The following PDSS2 variants were observed in gnomAD, a reference collection of about 807,000 sequenced individuals.
The protein encoded by PDSS2 is decaprenyl diphosphate synthase subunit 2, also known as all trans-polyprenyl-diphosphate synthase PDSS2.
Under a neutral mutation model 44.5 loss-of-function variants are expected in PDSS2, and 31 were observed. The ratio of observed to expected loss-of-function variants is 0.70; its 90% CI spans 0.52 to 0.94. The LOEUF (loss-of-function observed/expected upper bound fraction) is 0.94, where lower values mean the gene tolerates loss of function less well. Ranked by LOEUF, PDSS2 falls within the 40% of genes least tolerant of loss-of-function variation. The pLI, the probability that PDSS2 is intolerant of heterozygous loss-of-function variation, is 0.00. For missense variants in PDSS2, 452 were observed against 482.2 expected, an observed-to-expected ratio of 0.94 and a Z score of 0.59; for synonymous variants, 157 against 180.3, an observed-to-expected ratio of 0.87 and a Z score of 1.03.
intron 1 of PDSS2, among the ~76,000 whole-genome samples, chr6:107,400,682 T>C (rs888952134): frequency 3.3e-5 from 5 of 152,156 alleles, no homozygotes; most frequent in Admixed American, 6.5e-5. Context: ...TTTTTCCCCA[T>C]ACTGGCTCTC....
chr6:107,225,143 A>ATATATATATATATATATATT (rs1773752256), intron 4 of PDSS2, among the ~76,000 whole-genome samples: 1 of 41,584 alleles, frequency 2.4e-5, no homozygotes, highest in African/African-American at 1.9e-4. Context: ...ATTTTTATAT[A>ATATATATATATATATATATT]TATATATATA....
intron 7 of PDSS2, among the ~76,000 whole-genome samples, chr6:107,186,609 GC>G (rs985169121): frequency 4.0e-5 from 6 of 151,660 alleles, no homozygotes; most frequent in African/African-American, 1.2e-4. Flanking sequence ...CTCCTTTCGC[GC>G]CCCCCTACCC....
chr6:107,278,544 C>T (rs988193447), intron 2 of PDSS2, among the ~76,000 whole-genome samples: 36 of 152,174 alleles, frequency 2.4e-4, no homozygotes, highest in Non-Finnish European at 2.5e-4. Context: ...AAGTAAAAAG[C>T]GTTAAGCATT....
chr6:107,202,389 AAAC>A (rs1249703658), intron 6 of PDSS2, among the ~76,000 whole-genome samples: 4 of 152,192 alleles, frequency 2.6e-5, no homozygotes, highest in Admixed American at 2.0e-4. Context: ...TGCAAAAAAA[AAAC>A]AAACAAAACA....
At chr6:107,165,132 G>A (rs1409395440) in intron 7 of PDSS2, among the ~76,000 whole-genome samples, 2 of 152,108 alleles carry the variant, frequency 1.3e-5, no homozygotes, top group African/African-American at 4.8e-5. Flanking sequence ...CACTCTGATG[G>A]TAGTTTCTTT....
At chr6:107,293,562 G>A (rs192265283) in intron 2 of PDSS2, among the ~76,000 whole-genome samples, 201 of 152,274 alleles carry the variant, frequency 1.3e-3, no homozygotes, top group Non-Finnish European at 1.5e-3. Flanking sequence ...GGTCTGGCAG[G>A]TGGAGGATTA....
At chr6:107,347,944 C>T (rs904108217) in intron 1 of PDSS2, among the ~76,000 whole-genome samples, 6 of 152,084 alleles carry the variant, frequency 3.9e-5, no homozygotes, top group Admixed American at 1.3e-4. Context: ...CATCACCGGA[C>T]TTCATCTCAG....
At chr6:107,351,031 T>C (rs948060780) in intron 1 of PDSS2, among the ~76,000 whole-genome samples, 2 of 151,818 alleles carry the variant, frequency 1.3e-5, no homozygotes, top group South Asian at 2.1e-4. Context: ...CACAAATTAA[T>C]TTAAATAAAG....
At chr6:107,226,322 A>G (rs1025353936) in intron 4 of PDSS2, among the ~76,000 whole-genome samples, 12 of 152,170 alleles carry the variant, frequency 7.9e-5, no homozygotes, top group African/African-American at 2.9e-4. Flanking sequence ...AAAAAAAAGA[A>G]ATATAATTAT....
At chr6:107,410,608 C>T (rs1780461531) in intron 1 of PDSS2, among the ~76,000 whole-genome samples, 2 of 152,002 alleles carry the variant, frequency 1.3e-5, no homozygotes. Context: ...CTGCTTCGGC[C>T]TCCCAAATAG....
At position 107,229,469 on chromosome 6, in the gene PDSS2, A is replaced by C. The variant is rs375740966; in HGVS notation, c.702+16079T>G. On this transcript the variant is annotated intron_variant, in intron 4 of 7. Coordinates refer to ENST00000369037, the MANE Select transcript of PDSS2 (RefSeq NM_020381.4). ...AAGTGCTGGGATTACAGGTGTGAGC[A>C]ACTGTGCCCGGCCTCACTTTTCCTA... 9.2e-5 allele frequency among the ~76,000 whole-genome samples: 14 copies of C among 152,190 alleles called. No homozygotes were observed. In the East Asian group the frequency reaches 1.4e-3, roughly 15 times the overall value.
chr6:107,409,861 G>A (rs1046887081), intron 1 of PDSS2, among the ~76,000 whole-genome samples: 2 of 152,170 alleles, frequency 1.3e-5, no homozygotes, highest in Non-Finnish European at 2.9e-5. Flanking sequence ...ATCACAGTGA[G>A]AAAGGAGATG....
intron 1 of PDSS2, among the ~76,000 whole-genome samples, chr6:107,447,291 G>T (rs1781717997): frequency 6.6e-6 from 1 of 152,060 alleles, no homozygotes; most frequent in Admixed American, 6.6e-5. Flanking sequence ...AGCCGAGATG[G>T]CACCACTGCA....
At chr6:107,218,785 C>T (rs543470468) in intron 4 of PDSS2, among the ~76,000 whole-genome samples, 161 of 152,270 alleles carry the variant, frequency 1.1e-3, no homozygotes, top group African/African-American at 3.4e-3. Flanking sequence ...AGGCTGGATG[C>T]GGTGGCTCAT....
chr6:107,418,812 G>A (rs1268457224), intron 1 of PDSS2, among the ~76,000 whole-genome samples: 1 of 152,046 alleles, frequency 6.6e-6, no homozygotes, highest in Non-Finnish European at 1.5e-5. Flanking sequence ...AAATAAAGGT[G>A]TGTTGTTTTT....
intron 1 of PDSS2, among the ~76,000 whole-genome samples, chr6:107,416,855 A>C (rs1467784009): frequency 1.3e-5 from 2 of 152,182 alleles, no homozygotes; most frequent in Non-Finnish European, 2.9e-5. Context: ...ATTAGGTAGA[A>C]AAACTTAACT....
At chr6:107,162,417 C>A (rs921969489) in intron 7 of PDSS2, among the ~76,000 whole-genome samples, 1 of 137,546 alleles carries the variant, frequency 7.3e-6, no homozygotes, top group African/African-American at 2.7e-5. Context: ...TGCTTGAACA[C>A]GAGAGGTGGA....
At chr6:107,242,424 C>T (rs1582835914) in intron 4 of PDSS2, among the ~76,000 whole-genome samples, 1 of 152,030 alleles carries the variant, frequency 6.6e-6, no homozygotes, top group African/African-American at 2.4e-5. Flanking sequence ...CCACTGTGCC[C>T]GCCTAATTTT....
At chr6:107,368,050 C>T (rs573625948) in intron 1 of PDSS2, among the ~76,000 whole-genome samples, 11 of 152,038 alleles carry the variant, frequency 7.2e-5, no homozygotes, top group African/African-American at 2.7e-4. Context: ...GAGGGCGGAT[C>T]ATGAGGTCAA....
Sources: gnomAD v4.1 joint callset for allele counts (sites outside exome capture counted in the v4.1 genomes callset) on GRCh38, gnomAD v4.1.1 for gene constraint, MANE v1.5 for transcripts, NCBI Gene and HGNC (gene_info 2026-07-23, HGNC 2026-07-21) for gene names.